Variants in ANKUB1 observed in about 807,000 individuals in gnomAD.
The protein encoded by ANKUB1 is protein ANKUB1.
ANKUB1 carries 42 observed loss-of-function variants against 49.3 expected under a neutral mutation model. That is an observed-to-expected ratio of 0.85 (90% CI 0.67 to 1.10). ANKUB1 has a LOEUF of 1.10. Among genes scored for constraint, ANKUB1 ranks in the 50% least tolerant of loss-of-function variants. The pLI is 0.00. For missense variants in ANKUB1, 613 were observed against 642.0 expected, an observed-to-expected ratio of 0.95 and a Z score of 0.49; for synonymous variants, 222 against 231.0, an observed-to-expected ratio of 0.96 and a Z score of 0.35.
chr3:149,776,493 G>A (rs1253301779), intron 3 of ANKUB1, among the ~76,000 whole-genome samples: 1 of 152,180 alleles, frequency 6.6e-6, no homozygotes, highest in Non-Finnish European at 1.5e-5. Context: ...GAAATTAGAA[G>A]ACTTCAGTTG....
chr3:149,786,982 AG>A, intron 2 of ANKUB1, among the ~76,000 whole-genome samples: 1 of 152,292 alleles, frequency 6.6e-6, no homozygotes, highest in East Asian at 1.9e-4. Flanking sequence ...TTAGCCTTAT[AG>A]TATAGTTTGA....
rs1717198811 is a variant in ANKUB1, at chr3:149,768,946, A to G, written c.567-851T>C. 2.0e-5 allele frequency among the ~76,000 whole-genome samples: 3 copies of G among 152,362 alleles called. No homozygotes were observed. In the South Asian group the frequency reaches 6.2e-4, roughly 32 times the overall value. On this transcript the variant is annotated intron_variant, in intron 4 of 5. Coordinates refer to ENST00000446160, the MANE Select transcript of ANKUB1 (RefSeq NM_001144960.3). ...ACAAGCATAAAATGAGGTAATAAAT[A>G]TAACACAGTGTCTGCCGTAAAGTAT... is the stretch of plus-strand genomic sequence containing the variant.
At chr3:149,770,260 A>G (rs1717283397) in intron 4 of ANKUB1, among the ~76,000 whole-genome samples, 1 of 152,158 alleles carries the variant, frequency 6.6e-6, no homozygotes, top group Admixed American at 6.5e-5. Context: ...GTTATATGGG[A>G]ATTTTCAACT....
chr3:149,790,638 G>T, intron 2 of ANKUB1, 143 bp downstream of exon 2: 1 of 799,580 alleles, frequency 1.3e-6, no homozygotes, highest in Non-Finnish European at 1.9e-6. Context: ...GCATGCGTAA[G>T]ACCTGTTATA....
chr3:149,764,600 C>CT (rs1716924059), intron 5 of ANKUB1, among the ~76,000 whole-genome samples: 2 of 129,698 alleles, frequency 1.5e-5, no homozygotes, highest in African/African-American at 6.0e-5. Context: ...CCCTTCCTTC[C>CT]TCCCTCCCTC....
chr3:149,769,029 G>A (rs180765983), intron 4 of ANKUB1, among the ~76,000 whole-genome samples: 7 of 152,250 alleles, frequency 4.6e-5, no homozygotes, highest in Admixed American at 6.5e-5. Context: ...TTTGGATGCA[G>A]AACATGGAAA....
intron 2 of ANKUB1, among the ~76,000 whole-genome samples, chr3:149,784,492 G>A (rs1718008723): frequency 6.6e-6 from 1 of 152,168 alleles, no homozygotes; most frequent in Non-Finnish European, 1.5e-5. Flanking sequence ...TGGCAGCAGG[G>A]CTGGCAGCAT....
intron 5 of ANKUB1, among the ~76,000 whole-genome samples, chr3:149,765,886 A>G (rs1004405524): frequency 3.3e-5 from 5 of 152,070 alleles, no homozygotes; most frequent in African/African-American, 1.2e-4. Flanking sequence ...TGTCAACCTC[A>G]CTCTGTTGGA....
At position 149,767,751 on chromosome 3, in the gene ANKUB1, G is replaced by C. The variant is rs539155709; in HGVS notation, c.911C>G (p.Pro304Arg). The change falls in exon 5 of 6, where the codon CCA becomes CGA. Residue 304 changes from proline (P) to arginine (R), a missense_variant. Coordinates refer to ENST00000446160, the MANE Select transcript of ANKUB1 (RefSeq NM_001144960.3). Reference protein sequence around the residue: ...LSKMWSTVSFPKISVPMRIYI... With the variant: ...LSKMWSTVSFRKISVPMRIYI... The stretch of plus-strand genomic sequence containing the variant: ...AATCCTCATTGGGACTGAAATTTTT[G>C]GAAAAGAAACTGTGGACCACATTTT... 5 of 1,551,514 alleles carry C rather than the reference G, an allele frequency of 3.2e-6. No homozygotes were observed. The Admixed American group carries it at 9.8e-5, about 30-fold the overall frequency.
At chr3:149,763,926 T>C (rs570645031) in intron 5 of ANKUB1, 4 of 456,266 alleles carry the variant, frequency 8.8e-6, no homozygotes, top group African/African-American at 8.0e-5. Context: ...CTGAATGACA[T>C]GTGGTCCAAC....
intron 2 of ANKUB1, among the ~76,000 whole-genome samples, chr3:149,782,730 G>C (rs1471065012): frequency 1.3e-5 from 2 of 151,534 alleles, no homozygotes; most frequent in Non-Finnish European, 2.9e-5. Context: ...TGTAGAGACA[G>C]GGCCTAGCTA....
intron 5 of ANKUB1, among the ~76,000 whole-genome samples, chr3:149,764,254 A>G (rs1576665765): frequency 6.6e-6 from 1 of 152,192 alleles, no homozygotes; most frequent in East Asian, 1.9e-4. Context: ...TGCTTTTGTG[A>G]CTTCTATGGG....
chr3:149,779,142 G>A (rs1717735484), intron 3 of ANKUB1: 1 of 149,644 alleles, frequency 6.7e-6, no homozygotes, highest in South Asian at 2.1e-4. Context: ...TCTTATTGAT[G>A]TTTGGCTACT....
In ANKUB1 at chr3:149,768,114, T is replaced by TG. The variant is rs3839072; in HGVS notation, c.567-20dup. On this transcript the variant is annotated intron_variant, in intron 4 of 5. Transcript: ENST00000446160. ...CTGATACCTAAATGAGTGAAACAAG[T>TG]GGGGAGGGGGTGTTTAGAAAATCAG... 0.29 allele frequency: 387,809 copies of TG among 1,332,536 alleles called. 61,846 individuals are homozygous for TG. The highest frequency in any genetic ancestry group is 0.33 in the Non-Finnish European group (338,250 of 1,027,900). 82.5% of individuals were successfully genotyped at this position (1,332,536 alleles called of 1,614,324 possible).
Position 149,792,543 on chromosome 3 carries a change from A to G in ANKUB1, c.-177T>C. The G allele has an allele frequency of 2.4e-6, 1 of 422,764 alleles. No homozygotes were observed. Among genetic ancestry groups the G allele is most frequent in the Non-Finnish European group, 4.2e-6 (1 of 239,182 alleles). The allele number at this position is 422,764 out of a possible 1,614,324, so 26.2% of individuals were successfully genotyped here. A position where few individuals can be genotyped will look rare whatever the true frequency, so the allele number is the denominator to read the frequency against. On this transcript the variant is annotated 5_prime_UTR_variant, in exon 1 of 6. Transcript: ENST00000446160. ...GAGCCTAGTCCCACAGTGCCACAGT[A>G]TCAGGCAACACAGACACCAGCTACT...
chr3:149,763,177 A>G (rs1697019807), intron 5 of ANKUB1, among the ~76,000 whole-genome samples: 1 of 152,182 alleles, frequency 6.6e-6, no homozygotes, highest in Non-Finnish European at 1.5e-5. Context: ...TAACCCATCC[A>G]TGCAGCCCAT....
intron 3 of ANKUB1, among the ~76,000 whole-genome samples, chr3:149,773,548 G>A (rs1476075932): frequency 2.6e-5 from 4 of 152,148 alleles, no homozygotes; most frequent in South Asian, 2.1e-4. Context: ...TCCAAAATAC[G>A]GACCATACTT....
At chr3:149,764,567 C>CT (rs200985859) in intron 5 of ANKUB1, among the ~76,000 whole-genome samples, 39 of 147,842 alleles carry the variant, frequency 2.6e-4, no homozygotes, top group African/African-American at 9.2e-4. Flanking sequence ...CCCTTCCTTC[C>CT]TTCCCTCCCT....
At chr3:149,790,516 G>A (rs1718312564) in intron 2 of ANKUB1, among the ~76,000 whole-genome samples, 1 of 152,148 alleles carries the variant, frequency 6.6e-6, no homozygotes, top group South Asian at 2.1e-4. Context: ...TATCGGTTCT[G>A]AGATGACAGG....
Sources: gnomAD v4.1 joint callset for allele counts (sites outside exome capture counted in the v4.1 genomes callset) on GRCh38, gnomAD v4.1.1 for gene constraint, MANE v1.5 for transcripts, NCBI Gene and HGNC (gene_info 2026-07-23, HGNC 2026-07-21) for gene names.